SYNPR: variants seen among roughly 807,000 people sequenced by gnomAD.
SYNPR encodes synaptoporin.
Under a neutral mutation model 32.9 loss-of-function variants are expected in SYNPR, and 23 were observed. That is an observed-to-expected ratio of 0.70 (90% CI 0.50 to 0.99). The LOEUF is 0.99. SYNPR is among the 50% of genes least tolerant of loss of function. The pLI is 0.00. For missense variants in SYNPR, 318 were observed against 349.3 expected (o/e 0.91, Z 0.71); for synonymous variants, 146 against 135.9 (o/e 1.07, Z -0.52).
intron 4 of SYNPR, among the ~76,000 whole-genome samples, chr3:63,565,549 G>A (rs887312297): frequency 7.9e-5 from 12 of 152,126 alleles, no homozygotes; most frequent in African/African-American, 2.9e-4. Context: ...TGAGGGAGGG[G>A]CCCTCATGGT....
At chr3:63,401,211 G>A (rs1466241098) in intron 2 of SYNPR, among the ~76,000 whole-genome samples, 1 of 152,170 alleles carries the variant, frequency 6.6e-6, no homozygotes, top group Non-Finnish European at 1.5e-5. Context: ...TGGTGGCGCA[G>A]GGGTGGGTAA....
the SYNPR span, among the ~76,000 whole-genome samples, chr3:63,210,936 C>T: frequency 6.9e-4 from 105 of 151,100 alleles, no homozygotes; most frequent in African/African-American, 2.4e-3. Flanking sequence ...GACACCTTCA[C>T]ACATCCTTTA....
At chr3:63,485,739 CATG>C (rs1701136081) in intron 3 of SYNPR, among the ~76,000 whole-genome samples, 1 of 152,078 alleles carries the variant, frequency 6.6e-6, no homozygotes, top group Non-Finnish European at 1.5e-5. Context: ...CATTGAATGA[CATG>C]ATGATAAATT....
chr3:63,382,421 C>G (rs2087983275), intron 2 of SYNPR, among the ~76,000 whole-genome samples: 1 of 152,218 alleles, frequency 6.6e-6, no homozygotes. Flanking sequence ...TTTGCTGGCA[C>G]AGATAGAAGT....
intron 3 of SYNPR, among the ~76,000 whole-genome samples, chr3:63,511,526 C>T (rs1214638850): frequency 5.3e-5 from 8 of 152,088 alleles, no homozygotes; most frequent in African/African-American, 1.9e-4. Flanking sequence ...TATTTATAAT[C>T]CAAGAAGGCA....
chr3:63,397,154 G>GGGA (rs1473227919), intron 2 of SYNPR, among the ~76,000 whole-genome samples: 1 of 151,926 alleles, frequency 6.6e-6, no homozygotes, highest in Non-Finnish European at 1.5e-5. Context: ...TGATGGGGAA[G>GGGA]GGAGGAGTTA....
intron 3 of SYNPR, among the ~76,000 whole-genome samples, chr3:63,553,433 T>A (rs1465348871): frequency 6.6e-6 from 1 of 152,220 alleles, no homozygotes; most frequent in African/African-American, 2.4e-5. Context: ...TATAATGATC[T>A]ATTTTCCTTT....
At chr3:63,228,637 C>T (rs1454262073) in intron 1 of SYNPR, among the ~76,000 whole-genome samples, 9 of 151,926 alleles carry the variant, frequency 5.9e-5, no homozygotes, top group Non-Finnish European at 1.2e-4. Context: ...GATTTCTAGA[C>T]CCACCCCCTT....
chr3:63,476,001 C>T (rs1453714663), intron 2 of SYNPR, among the ~76,000 whole-genome samples: 1 of 151,122 alleles, frequency 6.6e-6, no homozygotes, highest in African/African-American at 2.4e-5. Flanking sequence ...TAAATTCTTC[C>T]ACCCCACCAA....
intron 5 of SYNPR, among the ~76,000 whole-genome samples, chr3:63,613,207 T>A (rs560963673): frequency 6.6e-6 from 1 of 151,854 alleles, no homozygotes; most frequent in South Asian, 2.1e-4. Context: ...ACCTCAATAA[T>A]TTTTTATACT....
chr3:63,553,594 T>C (rs925688876), intron 3 of SYNPR, among the ~76,000 whole-genome samples: 1 of 152,230 alleles, frequency 6.6e-6, no homozygotes, highest in African/African-American at 2.4e-5. Flanking sequence ...TTTTGACTTT[T>C]TAAGAATAGC....
intron 2 of SYNPR, among the ~76,000 whole-genome samples, chr3:63,399,960 G>A (rs368500290): frequency 3.3e-5 from 5 of 152,096 alleles, no homozygotes; most frequent in African/African-American, 9.7e-5. Flanking sequence ...AAAGAAAAGC[G>A]CCTACAACAG....
chr3:63,484,151 A>G (rs192351865), intron 3 of SYNPR, among the ~76,000 whole-genome samples: 5 of 152,326 alleles, frequency 3.3e-5, no homozygotes, highest in Non-Finnish European at 7.4e-5. Flanking sequence ...TTACAGCACC[A>G]TATGTATGTG....
intron 4 of SYNPR, among the ~76,000 whole-genome samples, chr3:63,581,288 G>A (rs185365674): frequency 3.9e-5 from 6 of 152,196 alleles, no homozygotes; most frequent in East Asian, 3.9e-4. Context: ...GAAACCCTTC[G>A]GGAAGGTTGG....
At chr3:63,606,344 T>TCAGAAGCTTG (rs2106899572) in intron 4 of SYNPR, among the ~76,000 whole-genome samples, 1 of 150,810 alleles carries the variant, frequency 6.6e-6, no homozygotes, top group East Asian at 2.0e-4. Flanking sequence ...TTGACTTCAA[T>TCAGAAGCTTG]CAGAAGCTTG....
rs1257399031 is a variant in SYNPR, at chr3:63,616,736, A to C, written c.*1255A>C. 3 of 152,760 alleles carry C rather than the reference A, an allele frequency of 2.0e-5. No individual in the cohort carries two copies. In the East Asian group the frequency reaches 5.8e-4, roughly 29 times the overall value. 9.5% of individuals were successfully genotyped at this position (152,760 alleles called of 1,614,324 possible). On this transcript the variant is annotated 3_prime_UTR_variant, in exon 6 of 6. Coordinates refer to ENST00000478300, the MANE Select transcript of SYNPR (RefSeq NM_001130003.2). ...AGGACCCAATAGAGAGGGCAAGCTG[A>C]GCATCTGTATTTCCAGATAAAAGTT...
chr3:63,263,919 T>C (rs758988797), intron 2 of SYNPR, among the ~76,000 whole-genome samples: 1 of 152,156 alleles, frequency 6.6e-6, no homozygotes, highest in South Asian at 2.1e-4. Flanking sequence ...TCATACAATT[T>C]TGGGGCCGTG....
At chr3:63,468,477 A>G (rs570399714) in intron 2 of SYNPR, among the ~76,000 whole-genome samples, 3 of 145,730 alleles carry the variant, frequency 2.1e-5, no homozygotes, top group South Asian at 4.3e-4. Flanking sequence ...GATTCTATTT[A>G]ATATACCTGC....
intron 2 of SYNPR, among the ~76,000 whole-genome samples, chr3:63,255,993 A>C (rs1205338024): frequency 2.6e-5 from 4 of 152,200 alleles, no homozygotes; most frequent in Non-Finnish European, 5.9e-5. Flanking sequence ...GTCTGAGATC[A>C]AACTGCAAGG....
Sources: gnomAD v4.1 joint callset for allele counts (sites outside exome capture counted in the v4.1 genomes callset) on GRCh38, gnomAD v4.1.1 for gene constraint, MANE v1.5 for transcripts, NCBI Gene and HGNC (gene_info 2026-07-23, HGNC 2026-07-21) for gene names.